The following OPCML variants were observed in gnomAD, a reference collection of about 807,000 sequenced individuals.
OPCML encodes the protein opioid-binding protein/cell adhesion molecule.
A neutral mutation model predicts 37.8 loss-of-function variants in OPCML; 13 were observed. That is an observed-to-expected ratio of 0.34 (90% confidence interval 0.22 to 0.55). The LOEUF (loss-of-function observed/expected upper bound fraction) is 0.55, where lower values mean the gene tolerates loss of function less well. Ranked by LOEUF, OPCML falls within the 20% of genes least tolerant of loss-of-function variation. OPCML has a pLI of 0.91. For missense variants in OPCML, 341 were observed against 435.6 expected (o/e 0.78, Z 1.93); for synonymous variants, 176 against 168.8 (o/e 1.04, Z -0.33).
At chr11:132,555,489 A>T (rs1268155445) in intron 3 of OPCML, among the ~76,000 whole-genome samples, 1 of 152,176 alleles carries the variant, frequency 6.6e-6, no homozygotes, top group African/African-American at 2.4e-5. Context: ...ATCTCCCACC[A>T]GGTCCCTCCC....
At chr11:133,017,140 C>A (rs1591915291) in intron 1 of OPCML, among the ~76,000 whole-genome samples, 2 of 152,094 alleles carry the variant, frequency 1.3e-5, no homozygotes, top group East Asian at 3.9e-4. Context: ...CTTTCTGTGT[C>A]CTCACGTGGC....
intron 1 of OPCML, among the ~76,000 whole-genome samples, chr11:133,427,349 C>T (rs1397228116): frequency 7.2e-6 from 1 of 138,694 alleles, no homozygotes; most frequent in African/African-American, 2.7e-5. Flanking sequence ...AATTAAAAAT[C>T]ACCTTCCTAA....
chr11:133,528,231 C>T (rs1240665154), intron 1 of OPCML, among the ~76,000 whole-genome samples: 3 of 152,246 alleles, frequency 2.0e-5, no homozygotes, highest in Non-Finnish European at 4.4e-5. Context: ...ATCTCCTTCT[C>T]AGCACCTGCT....
At chr11:133,023,284 A>G (rs1391568332) in intron 1 of OPCML, among the ~76,000 whole-genome samples, 2 of 152,204 alleles carry the variant, frequency 1.3e-5, no homozygotes, top group Non-Finnish European at 2.9e-5. Flanking sequence ...TGGTGTCCCA[A>G]GCTGCAGTGC....
intron 2 of OPCML, among the ~76,000 whole-genome samples, chr11:132,878,006 C>A (rs1219979444): frequency 6.6e-6 from 1 of 152,096 alleles, no homozygotes; most frequent in Non-Finnish European, 1.5e-5. Context: ...CATGGTGAAA[C>A]CCCGTCTCTA....
Position 133,458,243 on chromosome 11 carries a change from T to TAC in OPCML, c.61+74019_61+74020dup, listed in dbSNP as rs1366494865. ...ACATATATACACGTGTGTGTATATA[T>TAC]ACACATATATATACACGTGTGTGTA... On this transcript the variant is annotated intron_variant, in intron 1 of 7. Coordinates refer to ENST00000524381, the MANE Select transcript of OPCML (RefSeq NM_001012393.5). 9.7e-4 allele frequency among the ~76,000 whole-genome samples: 98 copies of TAC among 101,236 alleles called. 14 individuals are homozygous for TAC. Among genetic ancestry groups the TAC allele is most frequent in the Non-Finnish European group, 1.1e-3 (66 of 57,452 alleles). 66.4% of individuals were successfully genotyped at this position (101,236 alleles called of 152,430 possible).
At chr11:133,150,774 T>A (rs544767049) in intron 1 of OPCML, among the ~76,000 whole-genome samples, 1 of 152,180 alleles carries the variant, frequency 6.6e-6, no homozygotes, top group East Asian at 1.9e-4. Flanking sequence ...CTTGTAGACC[T>A]GGTCATAAAA....
At chr11:133,227,443 G>A (rs948833029) in intron 1 of OPCML, among the ~76,000 whole-genome samples, 1 of 152,190 alleles carries the variant, frequency 6.6e-6, no homozygotes, top group Non-Finnish European at 1.5e-5. Flanking sequence ...TGAAAAGAGA[G>A]AGGTTTTTGC....
intron 1 of OPCML, among the ~76,000 whole-genome samples, chr11:133,316,984 A>T (rs1359821282): frequency 6.6e-6 from 1 of 152,184 alleles, no homozygotes; most frequent in Non-Finnish European, 1.5e-5. Flanking sequence ...GATCACCTAA[A>T]GTCAGGAGCT....
chr11:133,290,265 G>A (rs553788785), intron 1 of OPCML, among the ~76,000 whole-genome samples: 17 of 152,276 alleles, frequency 1.1e-4, no homozygotes, highest in Non-Finnish European at 1.6e-4. Context: ...AATGAGGGAT[G>A]GTAGAGTTGC....
chr11:133,064,742 C>T (rs1442373623), intron 1 of OPCML: 2 of 152,154 alleles, frequency 1.3e-5, no homozygotes, highest in Non-Finnish European at 2.9e-5. Flanking sequence ...TCTGCCTCCG[C>T]AGCCACACGG....
At chr11:133,042,747 C>T (rs566107734) in intron 1 of OPCML, among the ~76,000 whole-genome samples, 79 of 152,182 alleles carry the variant, frequency 5.2e-4, no homozygotes, top group Non-Finnish European at 7.1e-4. Context: ...TCGGAGGGTG[C>T]CTTTAACGGC....
intron 1 of OPCML, chr11:133,003,871 C>CG (rs1947056803): frequency 1.0e-6 from 1 of 985,254 alleles, no homozygotes; most frequent in Non-Finnish European, 1.2e-6. Flanking sequence ...CGTGTGCCCT[C>CG]GACCCCTTTT....
intron 2 of OPCML, among the ~76,000 whole-genome samples, chr11:132,725,365 A>C (rs116884013): frequency 0.018 from 2,804 of 152,242 alleles, 37 homozygotes; most frequent in Middle Eastern, 0.044. Flanking sequence ...GATCCAGGGT[A>C]CCAAGTCCTT....
intron 1 of OPCML, among the ~76,000 whole-genome samples, chr11:133,353,760 A>T (rs1052776825): frequency 3.3e-5 from 5 of 152,170 alleles, no homozygotes; most frequent in African/African-American, 1.2e-4. Context: ...TTTATCCCAG[A>T]GCATCATGGG....
chr11:132,506,652 T>C (rs2096257505), intron 4 of OPCML, among the ~76,000 whole-genome samples: 1 of 152,138 alleles, frequency 6.6e-6, no homozygotes, highest in Non-Finnish European at 1.5e-5. Context: ...AGGAAACATT[T>C]ACTCAGCTTG....
intron 2 of OPCML, among the ~76,000 whole-genome samples, chr11:132,857,967 C>T (rs1054835773): frequency 3.3e-5 from 5 of 151,968 alleles, no homozygotes; most frequent in East Asian, 1.9e-4. Flanking sequence ...CACTGAACCC[C>T]GAGGCAATGA....
chr11:132,445,428 G>A (rs893629330), intron 4 of OPCML, among the ~76,000 whole-genome samples: 2 of 152,164 alleles, frequency 1.3e-5, no homozygotes, highest in African/African-American at 4.8e-5. Context: ...CATACACTGG[G>A]GCTCTTGAAC....
intron 1 of OPCML, among the ~76,000 whole-genome samples, chr11:133,424,929 A>T (rs73035169): frequency 0.15 from 23,354 of 152,250 alleles, 1,916 homozygotes; most frequent in African/African-American, 0.17. Flanking sequence ...AACAGCTTAT[A>T]GTCCATAAAG....
Sources: gnomAD v4.1 joint callset for allele counts (sites outside exome capture counted in the v4.1 genomes callset) on GRCh38, gnomAD v4.1.1 for gene constraint, MANE v1.5 for transcripts, NCBI Gene and HGNC (gene_info 2026-07-23, HGNC 2026-07-21) for gene names.